MTSS1: variants seen among roughly 807,000 people sequenced by gnomAD.
The protein encoded by MTSS1 is protein MTSS 1.
A neutral mutation model predicts 79.0 loss-of-function variants in MTSS1; 18 were observed. The ratio of observed to expected loss-of-function variants is 0.23; its 90% CI spans 0.16 to 0.34. The LOEUF (loss-of-function observed/expected upper bound fraction) is 0.34, where lower values mean the gene tolerates loss of function less well. Ranked by LOEUF, MTSS1 falls within the 10% of genes least tolerant of loss-of-function variation. The probability of loss-of-function intolerance (pLI) is 1.00; values close to 1 mark genes in which losing one functional copy is unlikely to be tolerated. For missense variants in MTSS1, 815 were observed against 986.2 expected (o/e 0.83, Z 2.33); for synonymous variants, 341 against 368.6 (o/e 0.93, Z 0.86).
At position 124,710,515 on chromosome 8, in the gene MTSS1, C is replaced by T. The variant is rs540713173; in HGVS notation, c.73-6324G>A. Among the ~76,000 whole-genome samples, 33 of 152,368 alleles carry T rather than the reference C, an allele frequency of 2.2e-4. No individual in the cohort carries two copies. The South Asian group carries it at 6.2e-3, about 29-fold the overall frequency. ...CCGAGTGCCTCTCCTCATCTTCCTC[C>T]TCTTCCTCCACTTTCCCTAGAGCCA... On this transcript the variant is annotated intron_variant, in intron 1 of 13. Transcript: ENST00000518547.
At chr8:124,695,862 G>T (rs1564011865) in intron 3 of MTSS1, among the ~76,000 whole-genome samples, 1 of 119,658 alleles carries the variant, frequency 8.4e-6, no homozygotes, top group East Asian at 2.2e-4. Flanking sequence ...TGGAAAACTA[G>T]TGTTGTTTTT....
At chr8:124,698,541 A>G (rs1276841820) in intron 3 of MTSS1, among the ~76,000 whole-genome samples, 5 of 145,398 alleles carry the variant, frequency 3.4e-5, no homozygotes, top group Admixed American at 6.9e-5. Context: ...CAGAGTCCCA[A>G]CTCACCGTTG....
At chr8:124,671,045 CT>C (rs11368929) in intron 3 of MTSS1, among the ~76,000 whole-genome samples, 1 of 150,460 alleles carries the variant, frequency 6.6e-6, no homozygotes, top group African/African-American at 2.4e-5. Flanking sequence ...TTTCTTTTTT[CT>C]TTTTCTTTTT....
At chr8:124,607,557 T>C (rs551491085) in intron 3 of MTSS1, among the ~76,000 whole-genome samples, 6 of 152,162 alleles carry the variant, frequency 3.9e-5, no homozygotes, top group Non-Finnish European at 8.8e-5. Context: ...AAAGCAAGTA[T>C]GAGGCTTGCG....
At chr8:124,622,749 C>T (rs925929053) in intron 3 of MTSS1, among the ~76,000 whole-genome samples, 4 of 148,496 alleles carry the variant, frequency 2.7e-5, no homozygotes, top group Non-Finnish European at 5.9e-5. Flanking sequence ...GCTGAGATCA[C>T]ACCACCGCAC....
rs779959013 is a variant in MTSS1, at chr8:124,553,324, C to G, written c.1936G>C (p.Glu646Gln). The G allele has an allele frequency of 6.2e-7, 1 of 1,613,946 alleles. No homozygotes were observed. Among genetic ancestry groups the G allele is most frequent in the Admixed American group, 1.7e-5 (1 of 60,018 alleles). ...GPEERGEHSP[E>Q]SPSVGEGPQG... ...GGGCCCTCACCCACAGATGGCGACT[C>G]AGGGCTGTGCTCCCCCCGCTCTTCT... Residue 646 changes from glutamate (E) to glutamine (Q), a missense_variant, in exon 14 of 14, where the codon GAG (glutamate) becomes CAG (glutamine). Physicochemically the swap from Glu to Gln is conservative, Grantham distance 29. Around this residue, in one of 2 missense-constraint regions of MTSS1, gnomAD observed 590 missense variants for 620.8 expected, o/e 0.95. Transcript: ENST00000518547. This position sits in a 1 kb window ranked among gnomAD's most constrained non-coding sequence, Gnocchi z 6.0.
chr8:124,607,166 G>A (rs544359716), intron 3 of MTSS1, among the ~76,000 whole-genome samples: 4 of 152,282 alleles, frequency 2.6e-5, no homozygotes, highest in South Asian at 2.1e-4. Context: ...GCTCTTCCTC[G>A]ATTCTCTCCT....
intron 4 of MTSS1, among the ~76,000 whole-genome samples, chr8:124,590,499 C>T (rs552965795): frequency 2.5e-4 from 38 of 152,312 alleles, no homozygotes; most frequent in Admixed American, 4.6e-4. Flanking sequence ...AGAAAATTCT[C>T]GAGCTGCACT....
At chr8:124,644,655 G>C (rs1025213701) in intron 3 of MTSS1, among the ~76,000 whole-genome samples, 1 of 152,224 alleles carries the variant, frequency 6.6e-6, no homozygotes, top group South Asian at 2.1e-4. Context: ...TGAGCAGGAC[G>C]TGGTGGGGTT....
At chr8:124,714,825 T>C (rs1052083639) in intron 1 of MTSS1, among the ~76,000 whole-genome samples, 11 of 152,160 alleles carry the variant, frequency 7.2e-5, no homozygotes, top group Non-Finnish European at 1.6e-4. Flanking sequence ...TGACTGATTC[T>C]CCACATCTGG....
At chr8:124,696,276 TGC>T (rs1828807089) in intron 3 of MTSS1, among the ~76,000 whole-genome samples, 2 of 151,944 alleles carry the variant, frequency 1.3e-5, no homozygotes, top group Admixed American at 6.6e-5. Flanking sequence ...TGTGAGCCAC[TGC>T]GCCCAGCCTA....
chr8:124,555,481 C>T (rs562626536), intron 13 of MTSS1, among the ~76,000 whole-genome samples: 7 of 152,144 alleles, frequency 4.6e-5, no homozygotes, highest in Non-Finnish European at 7.4e-5. Context: ...CTCCTGACCT[C>T]GTGATCCACC....
At chr8:124,604,042 T>C (rs1269120143) in intron 3 of MTSS1, among the ~76,000 whole-genome samples, 2 of 151,990 alleles carry the variant, frequency 1.3e-5, no homozygotes, top group Non-Finnish European at 2.9e-5. Flanking sequence ...TGAAACCCCA[T>C]CTCTACTAAA....
intron 3 of MTSS1, among the ~76,000 whole-genome samples, chr8:124,606,443 C>G (rs970149921): frequency 6.6e-6 from 1 of 152,076 alleles, no homozygotes; most frequent in Non-Finnish European, 1.5e-5. Flanking sequence ...GCCCCTGCAC[C>G]CCGCCAAAAG....
At chr8:124,603,425 T>C (rs748020) in intron 3 of MTSS1, among the ~76,000 whole-genome samples, 4,919 of 152,324 alleles carry the variant, frequency 0.032, 159 homozygotes, top group Non-Finnish European at 0.044. Context: ...CTCATCCTTG[T>C]TCTTTAAGCT....
chr8:124,602,207 A>ATATATATATATATATATATATATATAT, intron 3 of MTSS1, among the ~76,000 whole-genome samples: 2 of 142,206 alleles, frequency 1.4e-5, no homozygotes, highest in African/African-American at 5.5e-5. Context: ...ATATATATAT[A>ATATATATATATATATATATATATATAT]ATTTTTTTTT....
chr8:124,724,528 CG>C (rs1468391231), intron 1 of MTSS1, among the ~76,000 whole-genome samples: 1 of 152,132 alleles, frequency 6.6e-6, no homozygotes, highest in Non-Finnish European at 1.5e-5. Context: ...GTTCAGCTCT[CG>C]ACATGCTGAT....
At chr8:124,715,097 C>T (rs1461557630) in intron 1 of MTSS1, among the ~76,000 whole-genome samples, 1 of 152,190 alleles carries the variant, frequency 6.6e-6, no homozygotes, top group East Asian at 1.9e-4. Context: ...CACGTTGGTC[C>T]ATTTACACTC....
intron 2 of MTSS1, among the ~76,000 whole-genome samples, chr8:124,700,661 C>T (rs1003786533): frequency 1.3e-5 from 2 of 152,006 alleles, no homozygotes; most frequent in South Asian, 2.1e-4. Context: ...TTTTTTTGGA[C>T]ACCATAGGAT....
Sources: allele counts gnomAD v4.1 joint callset (sites outside exome capture counted in the v4.1 genomes callset), GRCh38; gene constraint gnomAD v4.1.1; regional missense constraint gnomAD v4.1.1; non-coding constraint Gnocchi (gnomAD v3.1); transcripts MANE v1.5; gene names NCBI Gene and HGNC (gene_info 2026-07-23, HGNC 2026-07-21).